DNAH3: variants seen among roughly 807,000 people sequenced by gnomAD.
The protein encoded by DNAH3 is dynein axonemal heavy chain 3.
Under a neutral mutation model 432.5 loss-of-function variants are expected in DNAH3, and 332 were observed. The ratio of observed to expected loss-of-function variants is 0.77; its 90% CI spans 0.70 to 0.84. The LOEUF (loss-of-function observed/expected upper bound fraction) is 0.84. Among genes scored for constraint, DNAH3 ranks in the 40% least tolerant of loss-of-function variants. DNAH3 has a pLI of 0.00. For missense variants in DNAH3, 4,861 were observed against 5,114.0 expected (o/e 0.95, Z 1.51); for synonymous variants, 1,956 against 1,900.2 (o/e 1.03, Z -0.76).
chr16:21,098,617 T>C (rs778920082), exon 17 of DNAH3: 28 of 1,610,972 alleles, frequency 1.7e-5, no homozygotes, highest in Non-Finnish European at 2.4e-5. Flanking sequence ...ATCCCAAACC[T>C]CAAACTCTGC....
At chr16:21,040,371 T>C (rs2089383117) in intron 32 of DNAH3, among the ~76,000 whole-genome samples, 1 of 141,394 alleles carries the variant, frequency 7.1e-6, no homozygotes, top group South Asian at 2.4e-4. Flanking sequence ...TTTTTTTTTT[T>C]TTTTTTTTTT....
chr16:21,107,934 C>T (rs1042743128), intron 14 of DNAH3, among the ~76,000 whole-genome samples: 1 of 151,876 alleles, frequency 6.6e-6, no homozygotes, highest in Admixed American at 6.6e-5. Flanking sequence ...GTGATCTCAG[C>T]TTACGGCAAC....
chr16:21,056,376 T>TCCTC (rs147593906), intron 27 of DNAH3, among the ~76,000 whole-genome samples: 30,054 of 132,122 alleles, frequency 0.23, 3,809 homozygotes, highest in East Asian at 0.54. Context: ...CCTTCTTTTT[T>TCCTC]CCTCCCTCCC....
chr16:21,143,480 G>A (rs915929351), intron 3 of DNAH3, among the ~76,000 whole-genome samples: 6 of 152,088 alleles, frequency 3.9e-5, no homozygotes, highest in African/African-American at 7.2e-5. Context: ...CCTTGATCTC[G>A]GACTTTACAG....
intron 14 of DNAH3, among the ~76,000 whole-genome samples, chr16:21,106,881 AATG>A (rs1322832077): frequency 1.3e-5 from 2 of 152,174 alleles, no homozygotes; most frequent in Non-Finnish European, 2.9e-5. Context: ...TAGCAGTTGT[AATG>A]ATAATAATAC....
At chr16:21,091,239 T>G (rs1014570302) in intron 18 of DNAH3, among the ~76,000 whole-genome samples, 3 of 152,000 alleles carry the variant, frequency 2.0e-5, no homozygotes. Context: ...AAATGATAAA[T>G]TGGTGAGGGT....
At chr16:21,012,020 T>C (rs1367116226) in intron 41 of DNAH3, among the ~76,000 whole-genome samples, 3 of 152,208 alleles carry the variant, frequency 2.0e-5, no homozygotes, top group African/African-American at 7.2e-5. Flanking sequence ...GTATTAAGTG[T>C]TGGAGCCAGG....
intron 21 of DNAH3, among the ~76,000 whole-genome samples, chr16:21,072,828 T>TTATTATTATTAC (rs1555547388): frequency 3.4e-5 from 5 of 147,460 alleles, no homozygotes; most frequent in African/African-American, 1.3e-4. Context: ...ATTATTATTA[T>TTATTATTATTAC]TATTATTATT....
rs190332702 is a variant in DNAH3 at position 21,029,714 on chromosome 16, T to C, written c.5439+1331A>G. ...TACTTATTTTTCCAAAGATTGGTGG[T>C]ATTTTTGCAAAGATTGCTATATTTT... On this transcript the variant is annotated intron_variant, in intron 37 of 61. Coordinates refer to ENST00000261383, the Ensembl canonical transcript of DNAH3. 9.5e-4 allele frequency among the ~76,000 whole-genome samples: 145 copies of C among 152,332 alleles called. 1 individual carries two copies. The highest frequency in any genetic ancestry group is 3.3e-3 in the African/African-American group (136 of 41,560).
intron 41 of DNAH3, among the ~76,000 whole-genome samples, chr16:21,009,771 G>C (rs904675172): frequency 1.3e-5 from 2 of 152,082 alleles, no homozygotes; most frequent in African/African-American, 4.8e-5. Context: ...CCAGCTACTT[G>C]GGAGGCTGAG....
At chr16:21,104,409 C>T (rs949780237) in intron 16 of DNAH3, 62 bp downstream of exon 16, 1 of 1,459,646 alleles carries the variant, frequency 6.9e-7, no homozygotes, top group African/African-American at 1.4e-5. Context: ...GAACCAGGAA[C>T]CTGCAGCATG....
intron 7 of DNAH3, among the ~76,000 whole-genome samples, chr16:21,132,501 T>C (rs1387071738): frequency 6.6e-6 from 1 of 152,164 alleles, no homozygotes; most frequent in Non-Finnish European, 1.5e-5. Flanking sequence ...CTCACTGCAA[T>C]TGATGCATAG....
intron 23 of DNAH3, among the ~76,000 whole-genome samples, chr16:21,068,116 C>A (rs2090637648): frequency 6.6e-6 from 1 of 152,286 alleles, no homozygotes; most frequent in African/African-American, 2.4e-5. Flanking sequence ...TTTTTAAGTG[C>A]ACCCCAGTTT....
chr16:20,979,342 A>G (rs1238531222), exon 50 of DNAH3: 2 of 1,614,044 alleles, frequency 1.2e-6, no homozygotes, highest in Admixed American at 1.7e-5. Flanking sequence ...GAGAAGCTGC[A>G]AAGTCGAGTT....
intron 44 of DNAH3, among the ~76,000 whole-genome samples, chr16:20,990,226 C>T (rs1012815217): frequency 6.6e-6 from 1 of 152,212 alleles, no homozygotes; most frequent in Admixed American, 6.5e-5. Flanking sequence ...ACCTTATACG[C>T]GCCAAATCCA....
At position 20,952,564 on chromosome 16, in the gene DNAH3, G is replaced by C. The variant is rs779263235; in HGVS notation, c.11072-15C>G. ...AATATTCCACCCTGCGTGTGGGAGA[G>C]CAGAGAGAGGCTTCAGTGCTGAGAG... is the stretch of plus-strand genomic sequence containing the variant. On this transcript the variant is annotated splice_polypyrimidine_tract_variant and intron_variant, in intron 55 of 61. Transcript: ENST00000261383. The C allele has an allele frequency of 6.7e-7, 1 of 1,499,212 alleles. No individual in the cohort carries two copies. The highest frequency in any genetic ancestry group is 2.3e-5 in the East Asian group (1 of 44,180). The allele number at this position is 1,499,212 out of a possible 1,614,324, so 92.9% of individuals were successfully genotyped here.
intron 44 of DNAH3, chr16:20,996,976 A>C: frequency 3.5e-6 from 1 of 287,150 alleles, no homozygotes; most frequent in Non-Finnish European, 6.5e-6. Flanking sequence ...ATGCACCCCT[A>C]GTTGAGGCTT....
chr16:21,140,927 G>A (rs1199058664), intron 4 of DNAH3, among the ~76,000 whole-genome samples: 1 of 151,972 alleles, frequency 6.6e-6, no homozygotes, highest in Non-Finnish European at 1.5e-5. Context: ...GTTTATTTTT[G>A]TCTACAATCT....
At chr16:21,119,763 A>AT (rs2092294749) in intron 11 of DNAH3, among the ~76,000 whole-genome samples, 2 of 151,334 alleles carry the variant, frequency 1.3e-5, no homozygotes, top group East Asian at 2.0e-4. Flanking sequence ...CACCCGGCTA[A>AT]TTTTTTGTAT....
Sources: allele counts gnomAD v4.1 joint callset (sites outside exome capture counted in the v4.1 genomes callset), GRCh38; gene constraint gnomAD v4.1.1; transcripts MANE v1.5; gene names NCBI Gene and HGNC (gene_info 2026-07-23, HGNC 2026-07-21).